The following OCSTAMP variants were observed in gnomAD, a reference collection of about 807,000 sequenced individuals.
The protein encoded by OCSTAMP is osteoclast stimulatory transmembrane protein, also known as transmembrane protein C20orf123.
In OCSTAMP, 17 loss-of-function variants were observed where a neutral mutation model predicts 25.2. The ratio of observed to expected loss-of-function variants is 0.68; its 90% CI spans 0.46 to 1.01. The LOEUF is 1.01. Ranked by LOEUF, OCSTAMP falls within the 50% of genes least tolerant of loss-of-function variation. OCSTAMP has a pLI of 0.00. For missense variants in OCSTAMP, 664 were observed against 694.6 expected, an observed-to-expected ratio of 0.96 and a Z score of 0.50; for synonymous variants, 345 against 318.9, an observed-to-expected ratio of 1.08 and a Z score of -0.87.
At chr20:46,544,309 A>G (rs1346574916) in intron 2 of OCSTAMP, among the ~76,000 whole-genome samples, 1 of 152,244 alleles carries the variant, frequency 6.6e-6, no homozygotes, top group Non-Finnish European at 1.5e-5. Context: ...TTCAAAAACC[A>G]TACACTCCCT....
At position 46,545,577 on chromosome 20, in the gene OCSTAMP, C is replaced by T. The variant is rs76943342; in HGVS notation, c.797G>A (p.Arg266Gln). ...NIYATQQLTQ[R>Q]LAQAQATHLL... The stretch of plus-strand genomic sequence containing the variant: ...GTGTGTAGCCTGGGCCTGTGCCAAC[C>T]GCTGGGTCAGCTGTTGAGTGGCGTA... The change falls in exon 2 of 3, where the codon CGG becomes CAG. Residue 266 changes from arginine (R) to glutamine (Q), a missense_variant. By Grantham distance (43) the Arg-to-Gln change is conservative. Coordinates refer to ENST00000279028, the MANE Select transcript of OCSTAMP (RefSeq NM_080721.3). 269 of 1,551,692 alleles carry T rather than the reference C, an allele frequency of 1.7e-4. 1 individual carries two copies. The East Asian group carries it at 4.0e-3, about 23-fold the overall frequency.
chr20:46,543,171 C>T (rs2061839804), intron 2 of OCSTAMP, among the ~76,000 whole-genome samples: 1 of 151,710 alleles, frequency 6.6e-6, no homozygotes, highest in Admixed American at 6.6e-5. Flanking sequence ...TCCCTTCCTT[C>T]CTTCGTCCCT....
chr20:46,547,188 T>C (rs560815003), intron 1 of OCSTAMP, among the ~76,000 whole-genome samples: 1 of 152,082 alleles, frequency 6.6e-6, no homozygotes, highest in Admixed American at 6.5e-5. Context: ...AAAACAGGTT[T>C]GAGTGGAGGG....
chr20:46,545,722 C>T lies in OCSTAMP; in HGVS notation c.652G>A (p.Ala218Thr). Residue 218 changes from alanine to threonine, a missense_variant, in exon 2 of 3, where the codon GCC becomes ACC. Coordinates refer to ENST00000279028, the MANE Select transcript of OCSTAMP (RefSeq NM_080721.3). Reference protein sequence around the residue: ...LEDFSGLESLARAAALGTQRV... With the variant: ...LEDFSGLESLTRAAALGTQRV... Reference sequence around the variant, plus strand: ...TGGGTCCCTAGCGCTGCTGCCCGGGCCAGGGACTCCAGGCCAGAGAAATCC... The same window carrying T: ...TGGGTCCCTAGCGCTGCTGCCCGGGTCAGGGACTCCAGGCCAGAGAAATCC... 1 of 1,551,618 alleles carries T rather than the reference C, an allele frequency of 6.4e-7. No individual in the cohort carries two copies. Among genetic ancestry groups the T allele is most frequent in the Admixed American group, 2.0e-5 (1 of 51,004 alleles).
chr20:46,546,008 G>A lies in OCSTAMP; in HGVS notation c.366C>T (p.Leu122=). The change falls in exon 2 of 3, where the codon CTC becomes CTT. Residue 122 remains leucine (L), a synonymous_variant. Coordinates refer to ENST00000279028, the MANE Select transcript of OCSTAMP (RefSeq NM_080721.3). ...TLGMEQGRRL[L]LSYSTATLAI... ...CCAGGGTGGCAGTGCTGTAGGACAGGAGCAGCCGGCGGCCCTGCTCCATAC... is the reference window on the plus strand; with the variant it reads ...CCAGGGTGGCAGTGCTGTAGGACAGAAGCAGCCGGCGGCCCTGCTCCATAC... The A allele has an allele frequency of 1.3e-6, 2 of 1,551,390 alleles. No homozygotes were observed. The highest frequency in any genetic ancestry group is 1.7e-6 in the Non-Finnish European group (2 of 1,146,986).
intron 2 of OCSTAMP, among the ~76,000 whole-genome samples, chr20:46,545,016 A>G (rs1432387960): frequency 6.6e-6 from 1 of 152,208 alleles, no homozygotes; most frequent in Non-Finnish European, 1.5e-5. Context: ...GATCGATTCA[A>G]TTTGTACAAA....
intron 1 of OCSTAMP, among the ~76,000 whole-genome samples, chr20:46,548,025 A>G (rs2146055574): frequency 1.3e-5 from 2 of 152,330 alleles, no homozygotes; most frequent in Non-Finnish European, 2.9e-5. Flanking sequence ...GTGGGAAAGC[A>G]GAGGAAATAG....
rs1167451344 is a variant in OCSTAMP at position 46,541,474 on chromosome 20, G to A, written c.1501C>T (p.Leu501Phe). Reference sequence around the variant, plus strand: ...CAACTCAGGTCTCTGCAACTCCAAAGCTCTTTCCCTTCTCCCTCACTGCTC... The same window carrying A: ...CAACTCAGGTCTCTGCAACTCCAAAACTCTTTCCCTTCTCCCTCACTGCTC... ...TESSEGEGKELWSCRDLSCNL... is the reference protein window; with the variant it reads ...TESSEGEGKEFWSCRDLSCNL... The change falls in exon 3 of 3, where the codon CTT (leucine) becomes TTT (phenylalanine). Residue 501 changes from leucine (L) to phenylalanine (F), a missense_variant. By Grantham distance (22) the Leu-to-Phe change is conservative. Transcript: ENST00000279028. 1 of 1,550,386 alleles carries A rather than the reference G, an allele frequency of 6.5e-7. No individual in the cohort carries two copies. Among genetic ancestry groups the A allele is most frequent in the South Asian group, 1.2e-5 (1 of 84,044 alleles).
intron 1 of OCSTAMP, 36 bp downstream of exon 1, chr20:46,550,481 C>A: frequency 6.5e-7 from 1 of 1,543,616 alleles, no homozygotes. Flanking sequence ...TGTTTTCTCA[C>A]CTGTAGCCCT....
At chr20:46,542,834 A>G (rs1207361705) in intron 2 of OCSTAMP, among the ~76,000 whole-genome samples, 1 of 152,264 alleles carries the variant, frequency 6.6e-6, no homozygotes. Flanking sequence ...CCACACCCCA[A>G]ATGGTTCAAA....
Position 46,541,414 on chromosome 20 carries a change from A to AG in OCSTAMP, c.1560dup (p.Lys523Ter). The AG allele has an allele frequency of 7.7e-7, 1 of 1,307,074 alleles. No homozygotes were observed. The highest frequency in any genetic ancestry group is 1.3e-5 in the South Asian group (1 of 79,164). The allele number at this position is 1,307,074 out of a possible 1,614,324, so 81.0% of individuals were successfully genotyped here. A position where few individuals can be genotyped will look rare whatever the true frequency, so the allele number is the denominator to read the frequency against. On this transcript the variant is annotated frameshift_variant, in exon 3 of 3. Coordinates refer to ENST00000279028, the MANE Select transcript of OCSTAMP (RefSeq NM_080721.3). LOFTEE classifies it low-confidence loss of function (END_TRUNC). ...TCAGAGAGGTGAAGTGACTTACCCA[A>AG]GGTCACACAGGGAGGCGGCACAGGA...
rs1479159838 is a variant in OCSTAMP, at chr20:46,541,753, GGGCCCCCGC to G, written c.1213_1221del (p.Ala405_Ala407del). The G allele has an allele frequency of 1.3e-6, 2 of 1,539,156 alleles. No individual in the cohort carries two copies. Among genetic ancestry groups the G allele is most frequent in the Non-Finnish European group, 1.8e-6 (2 of 1,142,194 alleles). ...ACCGTGGAGCCCGCCAGGAGCTGCA[GGGCCCCCGC>G]GGCCAGCGGGGCAGCTGCGCGGGGA... On this transcript the variant is annotated inframe_deletion, in exon 3 of 3. Coordinates refer to ENST00000279028, the MANE Select transcript of OCSTAMP (RefSeq NM_080721.3).
In OCSTAMP at chr20:46,545,513, A is replaced by T; in HGVS notation, c.861T>A (p.Ala287=). The change falls in exon 2 of 3, where the codon GCT becomes GCA. Residue 287 remains alanine, a synonymous_variant. Transcript: ENST00000279028. The part of the protein sequence containing the change: ...APPPTWLLQA[A]QLRLSQEELL... ...GCTCCTCCTGTGACAGCCTCAGCTGAGCCGCCTGGAGCAGCCAGGTGGGTG... is the reference window on the plus strand; with the variant it reads ...GCTCCTCCTGTGACAGCCTCAGCTGTGCCGCCTGGAGCAGCCAGGTGGGTG... 1.3e-6 allele frequency: 2 copies of T among 1,551,386 alleles called. No homozygotes were observed. Among genetic ancestry groups the T allele is most frequent in the Non-Finnish European group, 1.7e-6 (2 of 1,146,850 alleles).
rs2061835628 is a variant in OCSTAMP, at chr20:46,541,831, G to A, written c.1144C>T (p.Leu382Phe). The A allele has an allele frequency of 2.0e-6, 3 of 1,476,324 alleles. No individual in the cohort carries two copies. In the African/African-American group the frequency reaches 4.3e-5, roughly 21 times the overall value. 91.5% of individuals were successfully genotyped at this position (1,476,324 alleles called of 1,614,324 possible). Residue 382 changes from leucine to phenylalanine, a missense_variant, in exon 3 of 3, where the codon CTC (leucine) becomes TTC (phenylalanine). Transcript: ENST00000279028. ...GGGCAGCGGGCGGAGGTGAGGCGGA[G>A]CTCCCATTGGTAGGAGCTGTGGACG... ...LSVHSSYQWE[L>F]RLTSARCPLL... is the part of the protein sequence containing the mutation.
At chr20:46,542,402 A>G (rs2061837456) in intron 2 of OCSTAMP, among the ~76,000 whole-genome samples, 1 of 152,068 alleles carries the variant, frequency 6.6e-6, no homozygotes, top group Non-Finnish European at 1.5e-5. Context: ...TAACACGGTG[A>G]AATCCCGTCT....
chr20:46,543,213 T>C (rs71351642), intron 2 of OCSTAMP, among the ~76,000 whole-genome samples: 47,541 of 149,422 alleles, frequency 0.32, 7,662 homozygotes, highest in South Asian at 0.43. Context: ...CTTTTTTCTT[T>C]CTTCCTTCCT....
In OCSTAMP at chr20:46,541,455, A is replaced by G. The variant is rs1160419230; in HGVS notation, c.1520T>C (p.Leu507Pro). 11 of 1,536,222 alleles carry G rather than the reference A, an allele frequency of 7.2e-6. No individual in the cohort carries two copies. In the East Asian group the frequency reaches 2.7e-4, roughly 38 times the overall value. The stretch of plus-strand genomic sequence containing the variant: ...CGGCACAGGACCAAGGTTACAACTC[A>G]GGTCTCTGCAACTCCAAAGCTCTTT... ...EGKELWSCRD[L>P]SCNLGPVPPP... is the part of the protein sequence containing the mutation. Residue 507 changes from leucine (L) to proline (P), a missense_variant, in exon 3 of 3, where the codon CTG becomes CCG. Coordinates refer to ENST00000279028, the MANE Select transcript of OCSTAMP (RefSeq NM_080721.3).
intron 1 of OCSTAMP, among the ~76,000 whole-genome samples, chr20:46,549,695 C>T (rs571472496): frequency 7.0e-4 from 107 of 151,836 alleles, no homozygotes; most frequent in Admixed American, 1.5e-3. Context: ...GTTGGGAGAA[C>T]CAGAACAGTG....
At chr20:46,547,325 T>C (rs924504958) in intron 1 of OCSTAMP, among the ~76,000 whole-genome samples, 1 of 152,192 alleles carries the variant, frequency 6.6e-6, no homozygotes, top group African/African-American at 2.4e-5. Flanking sequence ...GCTGGAGTTA[T>C]AACATTGGGA....
Sources: allele counts gnomAD v4.1 joint callset (sites outside exome capture counted in the v4.1 genomes callset), GRCh38; gene constraint gnomAD v4.1.1; transcripts MANE v1.5; gene names NCBI Gene and HGNC (gene_info 2026-07-23, HGNC 2026-07-21).